CDCP1: variants seen among roughly 807,000 people sequenced by gnomAD.
CDCP1 encodes CUB domain containing protein 1.
Under a neutral mutation model 60.2 loss-of-function variants are expected in CDCP1, and 29 were observed. The observed-to-expected ratio is 0.48, with a 90% confidence interval of 0.36 to 0.66. The LOEUF (loss-of-function observed/expected upper bound fraction) is 0.66. Among genes scored for constraint, CDCP1 ranks in the 30% least tolerant of loss-of-function variants. The pLI is 0.00. For synonymous variants in CDCP1, 387 were observed against 431.1 expected (o/e 0.90, Z 1.27); for missense variants, 876 against 1,074.3 (o/e 0.82, Z 2.58).
chr3:45,131,112 T>A (rs193130515), intron 1 of CDCP1, among the ~76,000 whole-genome samples: 40 of 152,112 alleles, frequency 2.6e-4, no homozygotes, highest in African/African-American at 9.6e-4. Context: ...GGCTCAAGCT[T>A]TAGCCTCCCC....
intron 4 of CDCP1, among the ~76,000 whole-genome samples, chr3:45,103,912 A>T (rs1405881627): frequency 1.3e-5 from 2 of 152,226 alleles, no homozygotes; most frequent in South Asian, 4.1e-4. Context: ...GTATTCTGTT[A>T]TGGCAACACT....
chr3:45,098,189 TTTA>T (rs35685013), intron 4 of CDCP1, among the ~76,000 whole-genome samples: 4 of 148,662 alleles, frequency 2.7e-5, no homozygotes, highest in South Asian at 4.3e-4. Context: ...ATTCTCAGCC[TTTA>T]TTATTATTAT....
chr3:45,092,644 A>G (rs1698315673), intron 6 of CDCP1, among the ~76,000 whole-genome samples: 1 of 152,228 alleles, frequency 6.6e-6, no homozygotes, highest in African/African-American at 2.4e-5. Flanking sequence ...GGTCAATTTT[A>G]AAATGGCCTC....
At chr3:45,114,425 T>C (rs1286545819) in intron 2 of CDCP1, among the ~76,000 whole-genome samples, 1 of 151,894 alleles carries the variant, frequency 6.6e-6, no homozygotes, top group African/African-American at 2.4e-5. Flanking sequence ...TTTTTTTTTT[T>C]TTCTTTTTGG....
At position 45,110,639 on chromosome 3, in the gene CDCP1, C is replaced by A. The variant is rs148271891; in HGVS notation, c.858G>T (p.Pro286=). The part of the protein sequence containing the change: ...RKEERVEYYI[P]GSTTNPEVFK... ...ACACCTCGGGGTTGGTGGTGGAGCCCGGGATGTAGTATTCAACCCGCTCCT... is the reference window on the plus strand; with the variant it reads ...ACACCTCGGGGTTGGTGGTGGAGCCAGGGATGTAGTATTCAACCCGCTCCT... Residue 286 remains proline, a synonymous_variant, in exon 4 of 9, where the codon CCG becomes CCT. Transcript: ENST00000296129. 1 of 1,614,108 alleles carries A rather than the reference C, an allele frequency of 6.2e-7. No homozygotes were observed. Among genetic ancestry groups the A allele is most frequent in the East Asian group, 2.2e-5 (1 of 44,874 alleles).
chr3:45,136,731 G>A (rs1414234553), intron 1 of CDCP1, among the ~76,000 whole-genome samples: 1 of 152,170 alleles, frequency 6.6e-6, no homozygotes, highest in Non-Finnish European at 1.5e-5. Context: ...TTTGAAGACG[G>A]GGTCTATACT....
rs374495391 is a variant in CDCP1, at chr3:45,093,404, C to A, written c.1500G>T (p.Pro500=). The stretch of plus-strand genomic sequence containing the variant: ...CCTGGATCTGCTTGATAGAGCCTCC[C>A]GGGCAGAAGGAGCCGAAGTACAGGT... ...SQDLYFGSFC[P]GGSIKQIQVK... Residue 500 remains proline (P), a synonymous_variant, in exon 6 of 9, where the codon CCG becomes CCT. Coordinates refer to ENST00000296129, the MANE Select transcript of CDCP1 (RefSeq NM_022842.5). 6.2e-7 allele frequency: 1 copy of A among 1,614,170 alleles called. No individual in the cohort carries two copies. Among genetic ancestry groups the A allele is most frequent in the South Asian group, 1.1e-5 (1 of 91,076 alleles).
At chr3:45,111,381 A>G (rs541342452) in intron 3 of CDCP1, among the ~76,000 whole-genome samples, 1 of 152,320 alleles carries the variant, frequency 6.6e-6, no homozygotes, top group Non-Finnish European at 1.5e-5. Context: ...TGAACACTTA[A>G]CAGTCAGCTC....
intron 4 of CDCP1, among the ~76,000 whole-genome samples, chr3:45,100,356 C>A (rs1488017868): frequency 6.6e-6 from 1 of 152,228 alleles, no homozygotes; most frequent in Non-Finnish European, 1.5e-5. Flanking sequence ...GGAAAAGAAA[C>A]TTCTCTCTTC....
chr3:45,140,758 T>A (rs369082715), intron 1 of CDCP1, among the ~76,000 whole-genome samples: 8 of 152,268 alleles, frequency 5.3e-5, no homozygotes, highest in African/African-American at 1.7e-4. Context: ...CATTGAACAC[T>A]GTAGAACTTA....
rs766479367 is a variant in CDCP1 at position 45,095,423 on chromosome 3, T to C, written c.1170A>G (p.Thr390=). 5.6e-6 allele frequency: 9 copies of C among 1,614,062 alleles called. No individual in the cohort carries two copies. The highest frequency in any genetic ancestry group is 1.3e-5 in the African/African-American group (1 of 74,920). The change falls in exon 5 of 9, where the codon ACA becomes ACG. Residue 390 remains threonine, a synonymous_variant. Transcript: ENST00000296129. ...AGGAGATTTTGTGTTTGGAGCCAGA[T>C]GTCAGGGTGAGGTTGCTACTGCAGG... ...SRTCSSNLTL[T]SGSKHKISFL...
intron 4 of CDCP1, among the ~76,000 whole-genome samples, chr3:45,098,092 C>T (rs1450080385): frequency 6.6e-6 from 1 of 151,994 alleles, no homozygotes; most frequent in Admixed American, 6.6e-5. Flanking sequence ...TACCAAGGCC[C>T]CGCCACACAC....
chr3:45,103,136 C>T (rs1242978520), intron 4 of CDCP1, among the ~76,000 whole-genome samples: 2 of 152,114 alleles, frequency 1.3e-5, no homozygotes, highest in Admixed American at 6.6e-5. Context: ...CAGTCAGTTT[C>T]CCCCAACTTC....
chr3:45,145,771 G>A (rs914442354), intron 1 of CDCP1, among the ~76,000 whole-genome samples: 1 of 152,170 alleles, frequency 6.6e-6, no homozygotes, highest in African/African-American at 2.4e-5. Context: ...GGCGAGCCTG[G>A]AGAGGAAAGA....
chr3:45,124,577 A>G (rs1698942761), intron 1 of CDCP1, among the ~76,000 whole-genome samples: 1 of 152,192 alleles, frequency 6.6e-6, no homozygotes, highest in Non-Finnish European at 1.5e-5. Context: ...CATGTGAGTC[A>G]GGTTCCACTT....
chr3:45,142,574 G>A (rs578016803), intron 1 of CDCP1, among the ~76,000 whole-genome samples: 24 of 152,274 alleles, frequency 1.6e-4, no homozygotes, highest in African/African-American at 5.8e-4. Flanking sequence ...CTAACACACT[G>A]ATGGCTGGAA....
chr3:45,085,584 G>T lies in CDCP1; in HGVS notation c.*54C>A. The T allele has an allele frequency of 6.6e-7, 1 of 1,516,664 alleles. No individual in the cohort carries two copies. Among genetic ancestry groups the T allele is most frequent in the Non-Finnish European group, 9.0e-7 (1 of 1,116,730 alleles). 94.0% of individuals were successfully genotyped at this position (1,516,664 alleles called of 1,614,324 possible). On this transcript the variant is annotated 3_prime_UTR_variant, in exon 9 of 9. Coordinates refer to ENST00000296129, the MANE Select transcript of CDCP1 (RefSeq NM_022842.5). This position sits in a 1 kb window ranked among gnomAD's most constrained non-coding sequence, Gnocchi z 4.2. ...GATTTCTGGTTAGGAACACGGACGG[G>T]TGTCTCAGTGCCCTGCTTTATGAAA...
chr3:45,131,184 A>T (rs867248726), intron 1 of CDCP1, among the ~76,000 whole-genome samples: 15 of 151,568 alleles, frequency 9.9e-5, no homozygotes, highest in Non-Finnish European at 2.1e-4. Flanking sequence ...CTTTAAAAAA[A>T]TTTTTTTTAT....
intron 3 of CDCP1, 43 bp downstream of exon 3, chr3:45,112,040 G>T: frequency 1.3e-6 from 2 of 1,586,088 alleles, no homozygotes; most frequent in East Asian, 2.2e-5. Context: ...TGATGATCTT[G>T]TGTGTTTTAA....
Sources: gnomAD v4.1 joint callset for allele counts (sites outside exome capture counted in the v4.1 genomes callset) on GRCh38, gnomAD v4.1.1 for gene constraint, Gnocchi (gnomAD v3.1) non-coding constraint, MANE v1.5 for transcripts, NCBI Gene and HGNC (gene_info 2026-07-23, HGNC 2026-07-21) for gene names.